Variants in RAD52 observed in about 807,000 individuals in gnomAD.
RAD52 encodes the protein RAD52 DNA repair protein, also known as DNA repair protein RAD52 homolog.
RAD52 carries 47 observed loss-of-function variants against 55.5 expected under a neutral mutation model. That is an observed-to-expected ratio of 0.85 (90% CI 0.67 to 1.08). The LOEUF is 1.08. Ranked by LOEUF, RAD52 falls within the 50% of genes least tolerant of loss-of-function variation. The pLI, the probability that RAD52 is intolerant of heterozygous loss-of-function variation, is 0.00. For synonymous variants in RAD52, 184 were observed against 198.9 expected, an observed-to-expected ratio of 0.92 and a Z score of 0.63; for missense variants, 468 against 522.8, an observed-to-expected ratio of 0.90 and a Z score of 1.02.
At chr12:958,718 G>A (rs1958643842) in intron 1 of RAD52, among the ~76,000 whole-genome samples, 1 of 152,190 alleles carries the variant, frequency 6.6e-6, no homozygotes. Flanking sequence ...TGTGCTTCAC[G>A]TGGAACACAG....
Position 955,693 on chromosome 12 carries a change from C to T in RAD52, c.-18-22617G>A, listed in dbSNP as rs548730683. On this transcript the variant is annotated intron_variant, in intron 1 of 11. Coordinates refer to the RAD52 transcript ENST00000430095. ...TTCACCATATTGGCCAGGCTGGTCT[C>T]GAGCTCCTGACCTTGTGATCCGCCT... Among the ~76,000 whole-genome samples, 31 of 152,124 alleles carry T rather than the reference C, an allele frequency of 2.0e-4. No individual in the cohort carries two copies. The East Asian group carries it at 5.6e-3, about 27-fold the overall frequency.
At chr12:939,927 T>C (rs1175804124) in intron 1 of RAD52, among the ~76,000 whole-genome samples, 2 of 151,850 alleles carry the variant, frequency 1.3e-5, no homozygotes, top group East Asian at 1.9e-4. Flanking sequence ...ATACAAAAAT[T>C]AGGTGGGCGT....
chr12:944,458 C>T (rs889228214), intron 1 of RAD52, among the ~76,000 whole-genome samples: 2 of 151,774 alleles, frequency 1.3e-5, no homozygotes, highest in Non-Finnish European at 2.9e-5. Flanking sequence ...GGGGTCAAGG[C>T]TGCAGTGAGC....
At chr12:921,353 T>G (rs566347847) in intron 7 of RAD52, among the ~76,000 whole-genome samples, 1 of 152,198 alleles carries the variant, frequency 6.6e-6, no homozygotes, top group Non-Finnish European at 1.5e-5. Flanking sequence ...ACGCCTGTTA[T>G]CCCAGCATTT....
chr12:964,195 T>C (rs1958725742), intron 1 of RAD52, among the ~76,000 whole-genome samples: 1 of 152,154 alleles, frequency 6.6e-6, no homozygotes. Context: ...AGAAGAGTGA[T>C]GTTTATCTAT....
chr12:934,111 A>G lies in RAD52; in HGVS notation c.-18-1035T>C, dbSNP rs566222710. 3.3e-5 allele frequency among the ~76,000 whole-genome samples: 5 copies of G among 150,864 alleles called. No individual in the cohort carries two copies. The Admixed American group carries it at 3.3e-4, about 10-fold the overall frequency. ...AGTGTCTGACTCTGTCTCAAAAAAA[A>G]AAAAAAACAAAAAAAAAGGCAGGCA... On this transcript the variant is annotated intron_variant, in intron 1 of 11. Transcript: ENST00000358495.
chr12:947,340 C>A (rs1377849469), intron 1 of RAD52, among the ~76,000 whole-genome samples: 2 of 149,706 alleles, frequency 1.3e-5, no homozygotes, highest in African/African-American at 4.9e-5. Context: ...AAAAAAACAA[C>A]AGACAAACAA....
intron 9 of RAD52, chr12:916,110 C>T (rs1214470796): frequency 5.2e-6 from 6 of 1,152,490 alleles, no homozygotes; most frequent in South Asian, 2.2e-5. Flanking sequence ...TATCAAGGCC[C>T]ACTTAGTTCC....
chr12:932,901 G>A (rs1957413877), intron 2 of RAD52, 74 bp downstream of exon 2: 3 of 1,333,286 alleles, frequency 2.3e-6, no homozygotes, highest in Non-Finnish European at 3.2e-6. Flanking sequence ...GTACTACGAT[G>A]CTCTACAAAC....
chr12:913,969 C>T lies in RAD52; in HGVS notation c.1120G>A (p.Val374Ile), dbSNP rs776952629. 1.1e-5 allele frequency: 18 copies of T among 1,614,030 alleles called. No homozygotes were observed. The highest frequency in any genetic ancestry group is 2.2e-5 in the East Asian group (1 of 44,890). ...TTTGCTTGTGGTTTCTGGTGGCAAA[C>T]GCTGTGTGGAGTCCTGTTCTGGGTC... The part of the protein sequence containing the change: ...MVTQNRTPHS[V>I]CHQKPQAKSG... Residue 374 changes from valine to isoleucine, a missense_variant, in exon 11 of 12, where the codon GTT (valine) becomes ATT (isoleucine). Coordinates refer to ENST00000358495, the MANE Select transcript of RAD52 (RefSeq NM_134424.4).
chr12:921,754 C>CA (rs1017042256), intron 7 of RAD52, among the ~76,000 whole-genome samples: 3 of 151,844 alleles, frequency 2.0e-5, no homozygotes, highest in African/African-American at 7.3e-5. Flanking sequence ...AATAAAATGA[C>CA]AAAGGACTTG....
chr12:932,216 C>T (rs1156523087), intron 2 of RAD52, among the ~76,000 whole-genome samples: 1 of 152,210 alleles, frequency 6.6e-6, no homozygotes, highest in Admixed American at 6.5e-5. Flanking sequence ...AAATTAAGCC[C>T]GGGCGTGGTG....
At chr12:913,672 T>G (rs1956210277) in intron 11 of RAD52, among the ~76,000 whole-genome samples, 1 of 152,168 alleles carries the variant, frequency 6.6e-6, no homozygotes. Context: ...CGTTTCCGCT[T>G]CCTGCTATTA....
intron 1 of RAD52, among the ~76,000 whole-genome samples, chr12:979,770 G>A (rs1003470017): frequency 9.2e-5 from 14 of 152,166 alleles, no homozygotes; most frequent in Admixed American, 3.9e-4. Flanking sequence ...GCTCTTGGCC[G>A]GGTGCGGTGG....
chr12:955,354 C>T (rs190653815), intron 1 of RAD52, among the ~76,000 whole-genome samples: 5 of 152,286 alleles, frequency 3.3e-5, no homozygotes, highest in African/African-American at 1.2e-4. Context: ...TTAGTGTGTG[C>T]CGACTGTGTA....
chr12:973,536 G>C (rs994786269), intron 1 of RAD52, among the ~76,000 whole-genome samples: 4 of 151,606 alleles, frequency 2.6e-5, no homozygotes, highest in African/African-American at 9.7e-5. Flanking sequence ...GGAGTGCAGT[G>C]GTGTGATCTT....
chr12:936,039 C>T (rs533670574), intron 1 of RAD52, among the ~76,000 whole-genome samples: 1 of 151,874 alleles, frequency 6.6e-6, no homozygotes, highest in South Asian at 2.1e-4. Flanking sequence ...CACGGTGGCT[C>T]ACACTTGTAA....
chr12:921,464 T>G lies in RAD52; in HGVS notation c.543+3986A>C, dbSNP rs114212690. Among the ~76,000 whole-genome samples the G allele has an allele frequency of 4.9e-3, 741 of 152,032 alleles. 7 individuals carry two copies. The highest frequency in any genetic ancestry group is 0.017 in the African/African-American group (700 of 41,476). On this transcript the variant is annotated intron_variant, in intron 7 of 11. Coordinates refer to ENST00000358495, the MANE Select transcript of RAD52 (RefSeq NM_134424.4). Reference sequence around the variant, plus strand: ...TATTCTGTACAAAAAATAAAAAAATTAGCCTGGCATGGTGGCAAATGCCTG... The same window carrying G: ...TATTCTGTACAAAAAATAAAAAAATGAGCCTGGCATGGTGGCAAATGCCTG...
At chr12:926,875 C>T in intron 6 of RAD52, 1 of 1,536,712 alleles carries the variant, frequency 6.5e-7, no homozygotes, top group Non-Finnish European at 8.7e-7. Context: ...GGGAAGGCCT[C>T]CGGCACACAT....
Sources: gnomAD v4.1 joint callset for allele counts (sites outside exome capture counted in the v4.1 genomes callset) on GRCh38, gnomAD v4.1.1 for gene constraint, MANE v1.5 for transcripts, NCBI Gene and HGNC (gene_info 2026-07-23, HGNC 2026-07-21) for gene names.